The following PPFIA2 variants were observed in gnomAD, a reference collection of about 807,000 sequenced individuals.
The protein encoded by PPFIA2 is PPFI scaffold protein A2, also known as liprin-alpha-2.
Under a neutral mutation model 175.5 loss-of-function variants are expected in PPFIA2, and 46 were observed. The ratio of observed to expected loss-of-function variants is 0.26; its 90% CI spans 0.21 to 0.34. The LOEUF (loss-of-function observed/expected upper bound fraction) is 0.34. Among genes scored for constraint, PPFIA2 ranks in the 10% least tolerant of loss-of-function variants. The pLI is 1.00. For synonymous variants in PPFIA2, 568 were observed against 511.4 expected, an observed-to-expected ratio of 1.11 and a Z score of -1.49; for missense variants, 1,179 against 1,506.1, an observed-to-expected ratio of 0.78 and a Z score of 3.60.
At chr12:81,702,751 GATC>G (rs1304819795) in intron 3 of PPFIA2, among the ~76,000 whole-genome samples, 2 of 152,070 alleles carry the variant, frequency 1.3e-5, no homozygotes, top group African/African-American at 4.8e-5. Flanking sequence ...ATCCCAATGC[GATC>G]ATATTAGAAG....
intron 4 of PPFIA2, chr12:81,465,346 C>T (rs535163645): frequency 6.6e-6 from 1 of 152,074 alleles, no homozygotes; most frequent in South Asian, 2.1e-4. Context: ...CTAAACACTG[C>T]CAACACCCTC....
rs1291829174 is a variant in PPFIA2, at chr12:81,750,170, G to A, written c.249+3803C>T. 1.4e-5 allele frequency among the ~76,000 whole-genome samples: 2 copies of A among 143,810 alleles called. 1 individual carries two copies. The highest frequency in any genetic ancestry group is 3.1e-5 in the Non-Finnish European group (2 of 64,160). 94.3% of individuals were successfully genotyped at this position (143,810 alleles called of 152,430 possible). A position where few individuals can be genotyped will look rare whatever the true frequency, so the allele number is the denominator to read the frequency against. ...GGGAAATTAACCAGACAAAGACATTGAGGAAAAACATTATAGGTAGAGAGA... is the reference window on the plus strand; with the variant it reads ...GGGAAATTAACCAGACAAAGACATTAAGGAAAAACATTATAGGTAGAGAGA... On this transcript the variant is annotated intron_variant, in intron 3 of 32. Transcript: ENST00000549396.
At chr12:81,661,016 C>T (rs1180637813) in intron 4 of PPFIA2, among the ~76,000 whole-genome samples, 1 of 152,152 alleles carries the variant, frequency 6.6e-6, no homozygotes, top group South Asian at 2.1e-4. Context: ...TTGTCACCAC[C>T]AGGCCTGCAC....
At chr12:81,487,376 A>G (rs1392148772) in intron 4 of PPFIA2, among the ~76,000 whole-genome samples, 1 of 151,960 alleles carries the variant, frequency 6.6e-6, no homozygotes, top group Non-Finnish European at 1.5e-5. Flanking sequence ...CACGGATAAC[A>G]GAAACAAGCA....
intron 4 of PPFIA2, among the ~76,000 whole-genome samples, chr12:81,632,029 T>C (rs1229288948): frequency 6.6e-6 from 1 of 152,250 alleles, no homozygotes; most frequent in Non-Finnish European, 1.5e-5. Context: ...TTATTCCATA[T>C]ATTTTACTTT....
chr12:81,566,304 A>G (rs1419241211), intron 4 of PPFIA2, among the ~76,000 whole-genome samples: 1 of 152,112 alleles, frequency 6.6e-6, no homozygotes, highest in Non-Finnish European at 1.5e-5. Context: ...CAGGTAGAGC[A>G]TGAGGTCAAG....
chr12:81,428,983 G>A (rs17008548), intron 7 of PPFIA2, among the ~76,000 whole-genome samples: 4,113 of 152,058 alleles, frequency 0.027, 174 homozygotes, highest in African/African-American at 0.094. Flanking sequence ...TAGTCATGGC[G>A]ACTTGTTTCA....
chr12:81,469,933 G>C (rs565545390), intron 4 of PPFIA2, among the ~76,000 whole-genome samples: 1 of 152,304 alleles, frequency 6.6e-6, no homozygotes, highest in South Asian at 2.1e-4. Context: ...ACAGCGAGAA[G>C]GCAGCCATCT....
In PPFIA2 at chr12:81,748,732, T is replaced by A. The variant is rs556763000; in HGVS notation, c.249+5241A>T. Among the ~76,000 whole-genome samples, 132 of 144,910 alleles carry A rather than the reference T, an allele frequency of 9.1e-4. 4 individuals are homozygous for A. Among genetic ancestry groups the A allele is most frequent in the African/African-American group, 3.2e-3 (131 of 41,248 alleles). ...TTTTTGTATGTTATTGAGGTTTTTG[T>A]GTTGTTATATAGCATTATTTAAGCA... On this transcript the variant is annotated intron_variant, in intron 3 of 32. Coordinates refer to ENST00000549396, the MANE Select transcript of PPFIA2 (RefSeq NM_003625.5).
intron 4 of PPFIA2, among the ~76,000 whole-genome samples, chr12:81,528,978 T>C (rs535791473): frequency 1.3e-5 from 2 of 152,220 alleles, no homozygotes; most frequent in East Asian, 3.9e-4. Flanking sequence ...TATCATATTC[T>C]AATATGAGAT....
intron 3 of PPFIA2, among the ~76,000 whole-genome samples, chr12:81,692,109 G>GACACAC (rs71098161): frequency 0.23 from 34,170 of 149,250 alleles, 4,157 homozygotes; most frequent in East Asian, 0.37. Context: ...CACAAACACA[G>GACACAC]ACACACACAC....
At chr12:81,529,019 G>A (rs1314585134) in intron 4 of PPFIA2, among the ~76,000 whole-genome samples, 2 of 151,856 alleles carry the variant, frequency 1.3e-5, no homozygotes, top group Non-Finnish European at 2.9e-5. Context: ...ACTGTAGCTG[G>A]AGACCCAATT....
intron 4 of PPFIA2, among the ~76,000 whole-genome samples, chr12:81,485,283 G>C (rs1174143025): frequency 7.9e-5 from 12 of 151,222 alleles, no homozygotes; most frequent in Non-Finnish European, 1.8e-4. Flanking sequence ...TATTTATATC[G>C]TTTTTGTACA....
chr12:81,659,325 G>T (rs1377345064), intron 4 of PPFIA2, among the ~76,000 whole-genome samples: 2 of 152,124 alleles, frequency 1.3e-5, no homozygotes, highest in African/African-American at 4.8e-5. Flanking sequence ...CAAGGAAAGG[G>T]GTGACAGACA....
At chr12:81,555,397 C>T (rs1314307054) in intron 4 of PPFIA2, among the ~76,000 whole-genome samples, 3 of 151,924 alleles carry the variant, frequency 2.0e-5, no homozygotes, top group Non-Finnish European at 2.9e-5. Flanking sequence ...AACGTCTTCA[C>T]TGATACTCTT....
At chr12:81,641,832 C>T (rs943030225) in intron 4 of PPFIA2, among the ~76,000 whole-genome samples, 5 of 152,178 alleles carry the variant, frequency 3.3e-5, no homozygotes, top group African/African-American at 7.2e-5. Flanking sequence ...CTAAGGAGAA[C>T]TAAGTGTCAG....
At chr12:81,430,610 T>G (rs1298964988) in intron 7 of PPFIA2, 2 of 151,852 alleles carry the variant, frequency 1.3e-5, no homozygotes, top group Non-Finnish European at 1.5e-5. Flanking sequence ...CAGTGACTCT[T>G]GACTTGCTTG....
chr12:81,754,756 GTATT>G (rs776838972), intron 2 of PPFIA2, among the ~76,000 whole-genome samples: 21 of 152,234 alleles, frequency 1.4e-4, no homozygotes, highest in South Asian at 1.2e-3. Context: ...AAATCATTGA[GTATT>G]TATTTTATAT....
chr12:81,535,795 T>C (rs939346038), intron 4 of PPFIA2, among the ~76,000 whole-genome samples: 1 of 151,918 alleles, frequency 6.6e-6, no homozygotes, highest in Admixed American at 6.6e-5. Context: ...GAATGTATTT[T>C]CTTTTATTTT....
Sources: allele counts gnomAD v4.1 joint callset (sites outside exome capture counted in the v4.1 genomes callset), GRCh38; gene constraint gnomAD v4.1.1; transcripts MANE v1.5; gene names NCBI Gene and HGNC (gene_info 2026-07-23, HGNC 2026-07-21).